The following ZFHX3 variants were observed in gnomAD, a reference collection of about 807,000 sequenced individuals.
ZFHX3 encodes zinc finger homeobox 3.
In ZFHX3, 42 loss-of-function variants were observed where a neutral mutation model predicts 279.1. That is an observed-to-expected ratio of 0.15 (90% CI 0.12 to 0.19). The LOEUF (loss-of-function observed/expected upper bound fraction) is 0.19, where lower values mean the gene tolerates loss of function less well. Ranked by LOEUF, ZFHX3 falls within the 10% of genes least tolerant of loss-of-function variation. The pLI, the probability that ZFHX3 is intolerant of heterozygous loss-of-function variation, is 1.00. For missense variants in ZFHX3, 4,981 were observed against 4,754.0 expected, an observed-to-expected ratio of 1.05 and a Z score of -1.40; for synonymous variants, 2,293 against 1,957.8, an observed-to-expected ratio of 1.17 and a Z score of -4.52.
intron 4 of ZFHX3, among the ~76,000 whole-genome samples, chr16:73,314,181 A>C (rs963498325): frequency 2.0e-5 from 3 of 152,202 alleles, no homozygotes; most frequent in African/African-American, 7.2e-5. Flanking sequence ...GGAAGGCCTG[A>C]ATAGAATAGA....
At chr16:72,997,601 TC>T in intron 1 of ZFHX3, among the ~76,000 whole-genome samples, 1 of 152,096 alleles carries the variant, frequency 6.6e-6, no homozygotes. Context: ...ACAGATCATC[TC>T]CCCCCAGACT....
intron 4 of ZFHX3, among the ~76,000 whole-genome samples, chr16:73,305,678 T>C (rs2042411): frequency 0.68 from 103,598 of 151,318 alleles, 36,076 homozygotes; most frequent in African/African-American, 0.76. Flanking sequence ...TCTGCTTCCT[T>C]GTAGTGCCCC....
At chr16:73,162,220 A>T (rs1416528937) in intron 5 of ZFHX3, among the ~76,000 whole-genome samples, 1 of 152,160 alleles carries the variant, frequency 6.6e-6, no homozygotes, top group African/African-American at 2.4e-5. Context: ...CATCGCTTTC[A>T]TTACCGCCTG....
intron 1 of ZFHX3, among the ~76,000 whole-genome samples, chr16:73,820,217 G>A (rs1470477962): frequency 2.0e-5 from 3 of 152,114 alleles, no homozygotes; most frequent in Non-Finnish European, 4.4e-5. Flanking sequence ...AGCCTCCCGA[G>A]TAGCTGGGAC....
chr16:73,772,273 T>G (rs2142293569), intron 1 of ZFHX3, among the ~76,000 whole-genome samples: 1 of 152,338 alleles, frequency 6.6e-6, no homozygotes, highest in East Asian at 1.9e-4. Flanking sequence ...CAGTTCCACA[T>G]GGCCGGGGAG....
At chr16:73,345,858 C>T (rs1055617725) in intron 3 of ZFHX3, among the ~76,000 whole-genome samples, 7 of 152,134 alleles carry the variant, frequency 4.6e-5, no homozygotes, top group African/African-American at 7.2e-5. Flanking sequence ...CTCGGTGACA[C>T]CAGCCCAGGG....
At chr16:73,301,684 A>C (rs1313814859) in intron 4 of ZFHX3, among the ~76,000 whole-genome samples, 1 of 152,096 alleles carries the variant, frequency 6.6e-6, no homozygotes, top group Non-Finnish European at 1.5e-5. Flanking sequence ...ATCATTGCCA[A>C]GTCCCTCATG....
rs148767966 is a variant in ZFHX3 at position 73,149,732 on chromosome 16, G to A, written c.-1103-5901C>T. Among the ~76,000 whole-genome samples, 5 of 152,182 alleles carry A rather than the reference G, an allele frequency of 3.3e-5. No individual in the cohort carries two copies. In the South Asian group the frequency reaches 1.0e-3, roughly 32 times the overall value. ...CTTACAAAGTAATTAGACCTTAAAG[G>A]CTCTTTACCTGGATTTTATCCTGTC... On this transcript the variant is annotated intron_variant, in intron 5 of 17. Transcript: ENST00000641206.
In ZFHX3 at chr16:72,793,834, G is replaced by A. The variant is rs1362078452; in HGVS notation, c.8848C>T (p.Arg2950Cys). 3.7e-6 allele frequency: 6 copies of A among 1,614,006 alleles called. No individual in the cohort carries two copies. The highest frequency in any genetic ancestry group is 1.7e-5 in the Admixed American group (1 of 59,982). Residue 2950 changes from arginine (R) to cysteine (C), a missense_variant, in exon 9 of 10, where the codon CGC (arginine) becomes TGC (cysteine). By Grantham distance (180) the Arg-to-Cys change is radical (BLOSUM62 -3). Transcript: ENST00000268489. This position sits in a 1 kb window ranked among gnomAD's most constrained non-coding sequence, Gnocchi z 4.3. ...SGDRPGQKRF[R>C]TQMTNLQLKV... ...AGCTGCAGATTGGTCATTTGAGTGC[G>A]AAAACGTTTCTGCCCAGGCCGATCT... is the stretch of plus-strand genomic sequence containing the variant.
intron 2 of ZFHX3, among the ~76,000 whole-genome samples, chr16:73,544,509 C>T (rs906509796): frequency 7.9e-5 from 12 of 152,148 alleles, no homozygotes; most frequent in African/African-American, 2.9e-4. Context: ...TTTCCCTCCA[C>T]GGGTTTGGCC....
chr16:72,860,512 C>A (rs1396763386), intron 4 of ZFHX3, among the ~76,000 whole-genome samples: 1 of 152,178 alleles, frequency 6.6e-6, no homozygotes, highest in Non-Finnish European at 1.5e-5. Flanking sequence ...CTCACTGCAA[C>A]CTCTCCCTCC....
chr16:73,702,854 G>A (rs897959164), intron 1 of ZFHX3, among the ~76,000 whole-genome samples: 2 of 152,148 alleles, frequency 1.3e-5, no homozygotes, highest in Admixed American at 1.3e-4. Context: ...CGAACTGTAT[G>A]AAATAAAGAG....
chr16:73,421,721 G>C (rs2017722122), intron 3 of ZFHX3, among the ~76,000 whole-genome samples: 1 of 152,128 alleles, frequency 6.6e-6, no homozygotes, highest in Non-Finnish European at 1.5e-5. Flanking sequence ...CAGAACCTAG[G>C]TTTGTTGATG....
At chr16:73,205,596 T>C (rs1475602387) in intron 5 of ZFHX3, among the ~76,000 whole-genome samples, 2 of 152,202 alleles carry the variant, frequency 1.3e-5, no homozygotes, top group African/African-American at 2.4e-5. Flanking sequence ...TTCATTGAAC[T>C]CTTGTGATAT....
chr16:73,209,890 G>A (rs1233470803), intron 5 of ZFHX3, among the ~76,000 whole-genome samples: 1 of 152,152 alleles, frequency 6.6e-6, no homozygotes, highest in Admixed American at 6.5e-5. Flanking sequence ...CAGACCACAC[G>A]TTGAGAGCCA....
At chr16:72,967,700 A>G (rs1270118581) in intron 1 of ZFHX3, among the ~76,000 whole-genome samples, 1 of 151,334 alleles carries the variant, frequency 6.6e-6, no homozygotes, top group Non-Finnish European at 1.5e-5. Context: ...GCAGATCACG[A>G]GGCCAGGTAA....
intron 4 of ZFHX3, among the ~76,000 whole-genome samples, chr16:72,871,665 C>T (rs144612298): frequency 0.032 from 4,882 of 150,682 alleles, 278 homozygotes; most frequent in African/African-American, 0.11. Context: ...TTAGTAGAGA[C>T]GGGGTTTCAC....
chr16:72,954,723 A>T (rs982236944), intron 2 of ZFHX3, among the ~76,000 whole-genome samples: 2 of 152,196 alleles, frequency 1.3e-5, no homozygotes, highest in Non-Finnish European at 2.9e-5. Context: ...ACAAGGCCTC[A>T]AATCTAATGT....
chr16:73,288,743 G>T (rs2014695364), intron 4 of ZFHX3, among the ~76,000 whole-genome samples: 2 of 152,074 alleles, frequency 1.3e-5, no homozygotes, highest in Non-Finnish European at 2.9e-5. Flanking sequence ...CGAGAGCCAA[G>T]ATTATGTCTT....
Sources: allele counts gnomAD v4.1 joint callset (sites outside exome capture counted in the v4.1 genomes callset), GRCh38; gene constraint gnomAD v4.1.1; non-coding constraint Gnocchi (gnomAD v3.1); transcripts MANE v1.5; gene names NCBI Gene and HGNC (gene_info 2026-07-23, HGNC 2026-07-21).